Variants in ABCA6 observed in about 807,000 individuals in gnomAD.
The protein encoded by ABCA6 is ATP-binding cassette sub-family A member 6.
A neutral mutation model predicts 191.2 loss-of-function variants in ABCA6; 164 were observed. The observed-to-expected ratio is 0.86, with a 90% CI of 0.76 to 0.98. The LOEUF is 0.98. ABCA6 is among the 50% of genes least tolerant of loss of function. ABCA6 has a pLI of 0.00. For missense variants in ABCA6, 1,958 were observed against 1,894.1 expected (o/e 1.03, Z -0.63); for synonymous variants, 636 against 647.7 (o/e 0.98, Z 0.27).
chr17:69,092,933 C>G (rs2072959134), intron 25 of ABCA6, among the ~76,000 whole-genome samples: 1 of 152,162 alleles, frequency 6.6e-6, no homozygotes, highest in Admixed American at 6.5e-5. Context: ...TATTTGTATG[C>G]AAATGCAAAT....
chr17:69,081,772 C>A (rs939980084), intron 36 of ABCA6, among the ~76,000 whole-genome samples: 1 of 152,190 alleles, frequency 6.6e-6, no homozygotes, highest in Non-Finnish European at 1.5e-5. Flanking sequence ...CAAAAAACCT[C>A]GGAATCTCCT....
chr17:69,105,290 G>A, intron 20 of ABCA6, 172 bp downstream of exon 20: 4 of 653,780 alleles, frequency 6.1e-6, no homozygotes, highest in Non-Finnish European at 7.6e-6. Flanking sequence ...CATCATCCCT[G>A]TCATCTCCAA....
chr17:69,108,416 A>G (rs2073350463), intron 17 of ABCA6: 4 of 151,720 alleles, frequency 2.6e-5, no homozygotes, highest in Admixed American at 2.6e-4. Flanking sequence ...ACCAGTCATC[A>G]CTCTAACTCA....
intron 4 of ABCA6, chr17:69,135,847 G>T (rs1206410413): frequency 4.2e-6 from 2 of 476,296 alleles, no homozygotes; most frequent in African/African-American, 2.0e-5. Context: ...GTCAGTCTTG[G>T]TTACTCATGT....
At chr17:69,107,930 A>C (rs1217532307) in intron 17 of ABCA6, 118 bp from the exon 18 acceptor site, 2 of 676,538 alleles carry the variant, frequency 3.0e-6, no homozygotes, top group Admixed American at 6.6e-5. Context: ...ATGTCCTTGG[A>C]GTATCACAGT....
At position 69,097,935 on chromosome 17, in the gene ABCA6, G is replaced by A. The variant is rs1374174823; in HGVS notation, c.3105C>T (p.Ser1035=). 5 of 1,595,602 alleles carry A rather than the reference G, an allele frequency of 3.1e-6. No homozygotes were observed. Among genetic ancestry groups the A allele is most frequent in the Non-Finnish European group, 4.3e-6 (5 of 1,174,460 alleles). The part of the protein sequence containing the change: ...CSISPYITMG[S]ISDYKKNAKS... Reference sequence around the variant, plus strand: ...TTTTTCTTACCTTGTAATCACTGATGCTGCCCATGGTGATATAAGGAGAAA... The same window carrying A: ...TTTTTCTTACCTTGTAATCACTGATACTGCCCATGGTGATATAAGGAGAAA... Residue 1035 remains serine, a synonymous_variant, in exon 23 of 39, where the codon AGC becomes AGT. Transcript: ENST00000284425.
intron 25 of ABCA6, among the ~76,000 whole-genome samples, chr17:69,093,601 C>T (rs2072978741): frequency 6.6e-6 from 1 of 152,134 alleles, no homozygotes; most frequent in African/African-American, 2.4e-5. Flanking sequence ...TGCTCGCTTT[C>T]TTTGTTAGGG....
intron 23 of ABCA6, 64 bp from the exon 24 acceptor site, chr17:69,096,865 T>G: frequency 7.5e-7 from 1 of 1,326,306 alleles, no homozygotes; most frequent in Non-Finnish European, 1.0e-6. Context: ...AAATCTAAAA[T>G]AAACACAAAC....
chr17:69,087,394 T>A lies in ABCA6; in HGVS notation c.3778A>T (p.Ile1260Leu). ...GTGGTCAGAGCAGTGGCTGTTCTTATTCTTTCTGTTTGAATATCTTCATCT... is the reference window on the plus strand; with the variant it reads ...GTGGTCAGAGCAGTGGCTGTTCTTAATCTTTCTGTTTGAATATCTTCATCT... The part of the protein sequence containing the change: ...DEDEDIQTER[I>L]RTATALTTSI... The change falls in exon 29 of 39, where the codon ATA becomes TTA. Residue 1260 changes from isoleucine (I) to leucine (L), a missense_variant. Ile to Leu is a conservative substitution (Grantham distance 5). Transcript: ENST00000284425. 2 of 1,613,994 alleles carry A rather than the reference T, an allele frequency of 1.2e-6. No homozygotes were observed. Among genetic ancestry groups the A allele is most frequent in the Non-Finnish European group, 1.7e-6 (2 of 1,179,890 alleles).
In ABCA6 at chr17:69,096,803, T is replaced by A. The variant is rs909045918; in HGVS notation, c.3121-2A>T. ...CCATAGCTGGGACTTAGCATTTTTC[T>A]GATTAAAAAAAAAAAGAAAGAAAGA... On this transcript the variant is annotated splice_acceptor_variant, in intron 23 of 38. Coordinates refer to ENST00000284425, the MANE Select transcript of ABCA6 (RefSeq NM_080284.3). LOFTEE classifies it high-confidence loss of function. 4.0e-6 allele frequency: 6 copies of A among 1,516,898 alleles called. No homozygotes were observed. Among genetic ancestry groups the A allele is most frequent in the Non-Finnish European group, 5.2e-6 (6 of 1,143,930 alleles). 94.0% of individuals were successfully genotyped at this position (1,516,898 alleles called of 1,614,324 possible). A position where few individuals can be genotyped will look rare whatever the true frequency, so the allele number is the denominator to read the frequency against.
intron 17 of ABCA6, 137 bp downstream of exon 17, chr17:69,110,664 C>A (rs578093750): frequency 2.1e-6 from 2 of 973,868 alleles, no homozygotes; most frequent in South Asian, 1.8e-5. Context: ...GGCACTCAAT[C>A]CTTCCTCTTG....
At chr17:69,139,285 A>G (rs1230517719) in intron 2 of ABCA6, among the ~76,000 whole-genome samples, 1 of 152,234 alleles carries the variant, frequency 6.6e-6, no homozygotes, top group Non-Finnish European at 1.5e-5. Context: ...AAGTGGGCAA[A>G]GGATATGAAA....
chr17:69,133,720 T>C lies in ABCA6; in HGVS notation c.712A>G (p.Ile238Val), dbSNP rs767806474. The change falls in exon 6 of 39, where the codon ATA (isoleucine) becomes GTA (valine). Residue 238 changes from isoleucine (I) to valine (V), a missense_variant. Ile to Val is a conservative substitution (Grantham distance 29). Coordinates refer to ENST00000284425, the MANE Select transcript of ABCA6 (RefSeq NM_080284.3). ...LLHFSPLVYF[I>V]SLNVTKERKK... ...CTCTCTTTTGTTACATTGAGTGATA[T>C]AAAATATACAAGTGGGGAGAAATGA... The C allele has an allele frequency of 1.9e-6, 3 of 1,611,792 alleles. No homozygotes were observed. The highest frequency in any genetic ancestry group is 1.3e-5 in the African/African-American group (1 of 74,996).
Position 69,102,929 on chromosome 17 carries a change from T to C in ABCA6, c.2780A>G (p.Gln927Arg). ...IEDFIKSLKH[Q>R]NILLEVDDFE... is the part of the protein sequence containing the mutation. ...GTCATCTACTTCCAAAAGTATATTT[T>C]GATGCTTCAGTGATTTTATAAAATC... is the stretch of plus-strand genomic sequence containing the variant. Residue 927 changes from glutamine (Q) to arginine (R), a missense_variant, in exon 21 of 39, where the codon CAA becomes CGA. Coordinates refer to ENST00000284425, the MANE Select transcript of ABCA6 (RefSeq NM_080284.3). 3.2e-6 allele frequency: 5 copies of C among 1,569,892 alleles called. No individual in the cohort carries two copies. Among genetic ancestry groups the C allele is most frequent in the Non-Finnish European group, 4.4e-6 (5 of 1,148,042 alleles).
rs200150771 is a variant in ABCA6 at position 69,105,550 on chromosome 17, A to G, written c.2652T>C (p.Asp884=). The G allele has an allele frequency of 6.3e-6, 10 of 1,598,102 alleles. No individual in the cohort carries two copies. Among genetic ancestry groups the G allele is most frequent in the East Asian group, 2.2e-5 (1 of 44,730 alleles). The change falls in exon 20 of 39, where the codon GAT becomes GAC. Residue 884 remains aspartate, a synonymous_variant. Transcript: ENST00000284425. ...AATACAATTCGTTTTTAAATTCCCA[A>G]TCGATCTTTTCATTTAACATAGCAT... ...IMYAMLNEKI[D]WEFKNELYFL...
intron 15 of ABCA6, 113 bp downstream of exon 15, chr17:69,113,109 T>C (rs1438506768): frequency 4.6e-6 from 6 of 1,291,574 alleles, no homozygotes; most frequent in Non-Finnish European, 6.2e-6. Context: ...CTGACTGCTA[T>C]AGAATGTAGG....
chr17:69,114,353 G>A (rs2073493723), intron 13 of ABCA6, among the ~76,000 whole-genome samples: 1 of 143,726 alleles, frequency 7.0e-6, no homozygotes, highest in East Asian at 2.1e-4. Flanking sequence ...TCATAGGTGG[G>A]AATTGAACAA....
intron 10 of ABCA6, 87 bp from the exon 11 acceptor site, chr17:69,118,043 G>A: frequency 1.2e-6 from 1 of 838,060 alleles, no homozygotes. Flanking sequence ...AGTGATAACT[G>A]CAGCCAACCA....
chr17:69,085,019 CG>C lies in ABCA6; in HGVS notation c.4184+8del. 6.2e-7 allele frequency: 1 copy of C among 1,606,170 alleles called. No individual in the cohort carries two copies. Among genetic ancestry groups the C allele is most frequent in the Non-Finnish European group, 8.5e-7 (1 of 1,177,812 alleles). On this transcript the variant is annotated splice_region_variant and intron_variant, in intron 32 of 38. Coordinates refer to ENST00000284425, the MANE Select transcript of ABCA6 (RefSeq NM_080284.3). ...TCTGACACAAAGGAATCGCAGGTCC[CG>C]TCTGTACCTTGCGATGGCGAGCCTC...
Sources: gnomAD v4.1 joint callset for allele counts (sites outside exome capture counted in the v4.1 genomes callset) on GRCh38, gnomAD v4.1.1 for gene constraint, MANE v1.5 for transcripts, NCBI Gene and HGNC (gene_info 2026-07-23, HGNC 2026-07-21) for gene names.